Variants in DOC2A observed in about 807,000 individuals in gnomAD.
DOC2A encodes double C2-like domain-containing protein alpha.
Under a neutral mutation model 40.6 loss-of-function variants are expected in DOC2A, and 28 were observed. That is an observed-to-expected ratio of 0.69 (90% CI 0.51 to 0.95). The LOEUF (loss-of-function observed/expected upper bound fraction) is 0.95, where lower values mean the gene tolerates loss of function less well. Ranked by LOEUF, DOC2A falls within the 40% of genes least tolerant of loss-of-function variation. The probability of loss-of-function intolerance (pLI) is 0.00; values close to 1 mark genes in which losing one functional copy is unlikely to be tolerated. For missense variants in DOC2A, 474 were observed against 552.5 expected, an observed-to-expected ratio of 0.86 and a Z score of 1.42; for synonymous variants, 241 against 236.9, an observed-to-expected ratio of 1.02 and a Z score of -0.16.
rs201903058 is a variant in DOC2A at position 30,010,087 on chromosome 16, C to G, written c.136G>C (p.Gly46Arg). Residue 46 changes from glycine (G) to arginine (R), a missense_variant, in exon 2 of 11, where the codon GGC (glycine) becomes CGC (arginine). Physicochemically the swap from Gly to Arg is moderately radical, Grantham distance 125 (BLOSUM62 -2). Coordinates refer to ENST00000350119, the MANE Select transcript of DOC2A (RefSeq NM_003586.3). This position sits in a 1 kb window ranked among gnomAD's most constrained non-coding sequence, Gnocchi z 4.2. Reference protein sequence around the residue: ...FPRGPGPEGGGGGGGEAPAHL... With the variant: ...FPRGPGPEGGRGGGGEAPAHL... The stretch of plus-strand genomic sequence containing the variant: ...GCGGGGGCCTCCCCGCCGCCCCCGC[C>G]GCCCCCTTCAGGTCCTGGTCCCCGG... The G allele has an allele frequency of 3.7e-6, 6 of 1,612,430 alleles. No homozygotes were observed. The Admixed American group carries it at 6.7e-5, about 18-fold the overall frequency.
In DOC2A at chr16:30,005,595, G is replaced by A; in HGVS notation, c.*591C>T. 1.3e-6 allele frequency: 1 copy of A among 759,270 alleles called. No individual in the cohort carries two copies. The highest frequency in any genetic ancestry group is 2.2e-6 in the Non-Finnish European group (1 of 463,136). 47.0% of individuals were successfully genotyped at this position (759,270 alleles called of 1,614,324 possible). The stretch of plus-strand genomic sequence containing the variant: ...AGAAAAGGCGTAAACATGCACGGGT[G>A]TCCCCCAGGAGGGTGGCAGGGGCCC... On this transcript the variant is annotated 3_prime_UTR_variant, in exon 11 of 11. Transcript: ENST00000350119.
chr16:30,007,306 G>C lies in DOC2A; in HGVS notation c.528-7C>G. ...CTCATCACAGACGGCGATCCTGGTC[G>C]GGAACTGCAGTGTCAGGGCCCCTGG... On this transcript the variant is annotated splice_region_variant and splice_polypyrimidine_tract_variant and intron_variant, in intron 5 of 10. Transcript: ENST00000350119. 6.2e-7 allele frequency: 1 copy of C among 1,613,664 alleles called. No individual in the cohort carries two copies. The highest frequency in any genetic ancestry group is 8.5e-7 in the Non-Finnish European group (1 of 1,180,032).
At chr16:30,013,666 T>A (rs2070822578), upstream of DOC2A, 1 of 149,700 alleles carries the variant, frequency 6.7e-6, no homozygotes. Context: ...GATTTTATCT[T>A]ACAGATATGC....
chr16:30,010,384 G>T lies in DOC2A; in HGVS notation c.-13-149C>A. The T allele has an allele frequency of 1.8e-6, 2 of 1,113,812 alleles. No homozygotes were observed. The highest frequency in any genetic ancestry group is 2.6e-6 in the Non-Finnish European group (2 of 758,700). 69.0% of individuals were successfully genotyped at this position (1,113,812 alleles called of 1,614,324 possible). A position where few individuals can be genotyped will look rare whatever the true frequency, so the allele number is the denominator to read the frequency against. ...GGTGGTGTGTGCCAGCCGGTGGCAG[G>T]TGGGAGGCCTGGGCCCTGCAGACCC... is the stretch of plus-strand genomic sequence containing the variant. On this transcript the variant is annotated intron_variant, in intron 1 of 10. Transcript: ENST00000350119. This position sits in a 1 kb window ranked among gnomAD's most constrained non-coding sequence, Gnocchi z 4.2.
At chr16:30,021,382 G>C (rs1410298916), upstream of DOC2A, 1 of 152,270 alleles carries the variant, frequency 6.6e-6, no homozygotes, top group Admixed American at 6.6e-5. Context: ...CCAATCAGAA[G>C]GGCGCTCTCC....
At chr16:30,012,834 G>A (rs2070807100), upstream of DOC2A, among the ~76,000 whole-genome samples, 1 of 152,050 alleles carries the variant, frequency 6.6e-6, no homozygotes, top group Non-Finnish European at 1.5e-5. Context: ...TGGCCAACAT[G>A]GTGAAACCCC....
At position 30,010,205 on chromosome 16, in the gene DOC2A, GC is replaced by G; in HGVS notation, c.17del (p.Gly6AlafsTer4). ...CCTGGATGTTGATGGTCATGCGATC[GC>G]CCCTGCGGCCCCTCATGCAGCACCC... Reference protein sequence around the residue: MRGRRGDRMTINIQEH... With the variant: MRGRRXDRMTINIQEH... On this transcript the variant is annotated frameshift_variant, in exon 2 of 11. Transcript: ENST00000350119. LOFTEE classifies it high-confidence loss of function. The surrounding 1 kb of genome is among the most constrained non-coding windows in gnomAD (Gnocchi z 4.2). The G allele has an allele frequency of 6.2e-7, 1 of 1,613,874 alleles. No homozygotes were observed. The highest frequency in any genetic ancestry group is 8.5e-7 in the Non-Finnish European group (1 of 1,179,962).
chr16:30,012,866 C>T (rs1027035860), upstream of DOC2A, among the ~76,000 whole-genome samples: 1 of 151,250 alleles, frequency 6.6e-6, no homozygotes, highest in African/African-American at 2.4e-5. Flanking sequence ...AAATGCCGGG[C>T]GTGGTGGTAT....
At chr16:30,011,352 G>A, upstream of DOC2A, 1 of 985,090 alleles carries the variant, frequency 1.0e-6, no homozygotes, top group Non-Finnish European at 1.2e-6. Flanking sequence ...GCACACACAC[G>A]CACTCGCAAA....
upstream of DOC2A, among the ~76,000 whole-genome samples, chr16:30,016,202 CCAT>C (rs1567288062): frequency 6.6e-6 from 1 of 150,866 alleles, no homozygotes; most frequent in African/African-American, 2.4e-5. Flanking sequence ...GTGCACACCA[CCAT>C]GCCTGGCTAA....
Position 30,006,698 on chromosome 16 carries a change from GACGA to G in DOC2A, c.879-25_879-22del, listed in dbSNP as rs1276680358. 1.2e-6 allele frequency: 2 copies of G among 1,613,604 alleles called. No homozygotes were observed. The highest frequency in any genetic ancestry group is 2.7e-5 in the African/African-American group (2 of 74,754). On this transcript the variant is annotated intron_variant, in intron 8 of 10. Transcript: ENST00000350119. This position sits in a 1 kb window ranked among gnomAD's most constrained non-coding sequence, Gnocchi z 6.2. ...GGTACCTGGGGGTGGGGTGGAGGGAGACGAACTGAGGGGTGAGGGACAGGCCAGG... is the reference window on the plus strand; with the variant it reads ...GGTACCTGGGGGTGGGGTGGAGGGAGACTGAGGGGTGAGGGACAGGCCAGG...
At chr16:30,018,103 CAAAAA>C (rs34061843) in intron 1 of DOC2A, among the ~76,000 whole-genome samples, 5 of 61,580 alleles carry the variant, frequency 8.1e-5, no homozygotes, top group Admixed American at 2.0e-4. Flanking sequence ...CTATTTCTAC[CAAAAA>C]AAAAAAAAAA....
chr16:30,006,201 A>C lies in DOC2A; in HGVS notation c.1188T>G (p.Ala396=). Residue 396 remains alanine (A), a synonymous_variant, in exon 11 of 11, where the codon GCT becomes GCG. Transcript: ENST00000350119. The surrounding 1 kb of genome is among the most constrained non-coding windows in gnomAD (Gnocchi z 6.2). ...TGCTGTCCACTCAGGCTGAGGACAG[A>C]GCCCCGGCCGCAGGGGGCAGCTCAC... ...LTSELPPAAG[A]LSSA is the part of the protein sequence containing the mutation. The C allele has an allele frequency of 6.3e-7, 1 of 1,584,858 alleles. No homozygotes were observed. Among genetic ancestry groups the C allele is most frequent in the Non-Finnish European group, 8.6e-7 (1 of 1,167,164 alleles).
rs1214654622 is a variant in DOC2A at position 30,006,090 on chromosome 16, G to C, written c.*96C>G. 4 of 1,406,670 alleles carry C rather than the reference G, an allele frequency of 2.8e-6. No homozygotes were observed. Among genetic ancestry groups the C allele is most frequent in the Non-Finnish European group, 3.8e-6 (4 of 1,051,566 alleles). 87.1% of individuals were successfully genotyped at this position (1,406,670 alleles called of 1,614,324 possible). A position where few individuals can be genotyped will look rare whatever the true frequency, so the allele number is the denominator to read the frequency against. ...TCACAAAAATAGGTAGTGCAGGGTGGGGGCAGCCCACCCTGTGTAAACGTG... is the reference window on the plus strand; with the variant it reads ...TCACAAAAATAGGTAGTGCAGGGTGCGGGCAGCCCACCCTGTGTAAACGTG... On this transcript the variant is annotated 3_prime_UTR_variant, in exon 11 of 11. Coordinates refer to ENST00000350119, the MANE Select transcript of DOC2A (RefSeq NM_003586.3). The surrounding 1 kb of genome is among the most constrained non-coding windows in gnomAD (Gnocchi z 6.2).
chr16:30,008,530 T>C lies in DOC2A; in HGVS notation c.527+466A>G, dbSNP rs1280467604. 9 of 177,734 alleles carry C rather than the reference T, an allele frequency of 5.1e-5. No homozygotes were observed. In the South Asian group the frequency reaches 1.1e-3, roughly 22 times the overall value. The allele number at this position is 177,734 out of a possible 1,614,324, so 11.0% of individuals were successfully genotyped here. ...AGATACTTTTGTTTTGTTTTTGAGA[T>C]GGAGTCTCCATCACCCAGGCTGGAG... On this transcript the variant is annotated intron_variant, in intron 5 of 10. Coordinates refer to ENST00000350119, the MANE Select transcript of DOC2A (RefSeq NM_003586.3).
In DOC2A at chr16:30,009,837, C is replaced by T. The variant is rs544436222; in HGVS notation, c.262+124G>A. On this transcript the variant is annotated intron_variant, in intron 2 of 10. Transcript: ENST00000350119. The surrounding 1 kb of genome is among the most constrained non-coding windows in gnomAD (Gnocchi z 4.1). ...GCAGCTGTGGTGGCCGTCCCTGCCA[C>T]CCCCCCACTGCCCTCCTCCCCTACC... The T allele has an allele frequency of 5.5e-3, 6,039 of 1,099,646 alleles. 38 individuals carry two copies. Among genetic ancestry groups the T allele is most frequent in the Non-Finnish European group, 7.5e-3 (5,526 of 738,934 alleles). The allele number at this position is 1,099,646 out of a possible 1,614,324, so 68.1% of individuals were successfully genotyped here. A position where few individuals can be genotyped will look rare whatever the true frequency, so the allele number is the denominator to read the frequency against.
Position 30,007,455 on chromosome 16 carries a change from C to G in DOC2A, c.528-156G>C, listed in dbSNP as rs1200678492. 3 of 994,250 alleles carry G rather than the reference C, an allele frequency of 3.0e-6. 1 individual carries two copies. The South Asian group carries it at 4.2e-5, about 14-fold the overall frequency. The allele number at this position is 994,250 out of a possible 1,614,324, so 61.6% of individuals were successfully genotyped here. A position where few individuals can be genotyped will look rare whatever the true frequency, so the allele number is the denominator to read the frequency against. On this transcript the variant is annotated intron_variant, in intron 5 of 10. Coordinates refer to ENST00000350119, the MANE Select transcript of DOC2A (RefSeq NM_003586.3). Reference sequence around the variant, plus strand: ...GAAGGACAAGCAGATTTGCCCATTCCTCTGTCCCTCCCTCTGCAGCCACCC... The same window carrying G: ...GAAGGACAAGCAGATTTGCCCATTCGTCTGTCCCTCCCTCTGCAGCCACCC...
upstream of DOC2A, chr16:30,011,269 C>T: frequency 1.0e-6 from 1 of 955,722 alleles, no homozygotes; most frequent in Non-Finnish European, 1.2e-6. Flanking sequence ...CGCACACGCC[C>T]GTGCCCACGT....
Position 30,006,376 on chromosome 16 carries a change from GC to G in DOC2A, c.1057+36del. On this transcript the variant is annotated intron_variant, in intron 10 of 10. Transcript: ENST00000350119. The surrounding 1 kb of genome is among the most constrained non-coding windows in gnomAD (Gnocchi z 6.2). ...GGTCAGGGCCACCTCCCTGCCACTT[GC>G]CCGCCCTCAACACCCGCAGCCAGCT... 3 of 1,613,240 alleles carry G rather than the reference GC, an allele frequency of 1.9e-6. No homozygotes were observed. Among genetic ancestry groups the G allele is most frequent in the Non-Finnish European group, 2.5e-6 (3 of 1,179,868 alleles).
Sources: gnomAD v4.1 joint callset for allele counts (sites outside exome capture counted in the v4.1 genomes callset) on GRCh38, gnomAD v4.1.1 for gene constraint, Gnocchi (gnomAD v3.1) non-coding constraint, MANE v1.5 for transcripts, NCBI Gene and HGNC (gene_info 2026-07-23, HGNC 2026-07-21) for gene names.